ANTXR2: variants seen among roughly 807,000 people sequenced by gnomAD.
The protein encoded by ANTXR2 is anthrax toxin receptor 2.
In ANTXR2, 44 loss-of-function variants were observed where a neutral mutation model predicts 73.7. The observed-to-expected ratio is 0.60, with a 90% CI of 0.47 to 0.77. The LOEUF (loss-of-function observed/expected upper bound fraction) is 0.77. Among genes scored for constraint, ANTXR2 ranks in the 30% least tolerant of loss-of-function variants. The probability of loss-of-function intolerance (pLI) is 0.00; values close to 1 mark genes in which losing one functional copy is unlikely to be tolerated. For synonymous variants in ANTXR2, 217 were observed against 205.9 expected (o/e 1.05, Z -0.46); for missense variants, 604 against 592.5 (o/e 1.02, Z -0.20).
intron 7 of ANTXR2, among the ~76,000 whole-genome samples, chr4:80,037,036 A>C (rs1410463898): frequency 6.6e-6 from 1 of 152,136 alleles, no homozygotes; most frequent in East Asian, 1.9e-4. Flanking sequence ...TGAGAAACAG[A>C]AACCACCACA....
chr4:80,055,299 A>G, intron 5 of ANTXR2, 61 bp downstream of exon 5: 2 of 1,559,642 alleles, frequency 1.3e-6, no homozygotes, highest in African/African-American at 1.4e-5. Context: ...CAAGCTATAC[A>G]TTCCGAGACA....
chr4:80,009,557 C>G (rs1731469268), intron 11 of ANTXR2, among the ~76,000 whole-genome samples: 1 of 152,068 alleles, frequency 6.6e-6, no homozygotes, highest in African/African-American at 2.4e-5. Context: ...CATTTAAAAA[C>G]TACTTACTGA....
chr4:79,984,318 T>C (rs1730012611), intron 13 of ANTXR2, among the ~76,000 whole-genome samples: 1 of 152,196 alleles, frequency 6.6e-6, no homozygotes, highest in South Asian at 2.1e-4. Flanking sequence ...TAACAGTCAT[T>C]AAAGCATCAA....
chr4:80,057,234 A>G (rs1734042268), intron 3 of ANTXR2, among the ~76,000 whole-genome samples: 1 of 152,106 alleles, frequency 6.6e-6, no homozygotes, highest in Admixed American at 6.6e-5. Context: ...AAGAAGTATC[A>G]TCTTAACATC....
chr4:79,966,768 T>G (rs1291493223), intron 16 of ANTXR2, among the ~76,000 whole-genome samples: 1 of 152,232 alleles, frequency 6.6e-6, no homozygotes, highest in African/African-American at 2.4e-5. Context: ...TATGTTTACA[T>G]TATTTTAGAG....
intron 10 of ANTXR2, among the ~76,000 whole-genome samples, chr4:80,025,143 TA>T (rs1732367869): frequency 6.6e-6 from 1 of 152,228 alleles, no homozygotes; most frequent in Non-Finnish European, 1.5e-5. Flanking sequence ...CAATTAATAG[TA>T]ATAAAATTAA....
chr4:80,043,939 T>G (rs1007267161), intron 7 of ANTXR2, among the ~76,000 whole-genome samples: 1 of 151,914 alleles, frequency 6.6e-6, no homozygotes, highest in Non-Finnish European at 1.5e-5. Context: ...TCAGGTTGCA[T>G]GGATTCACCA....
At chr4:79,920,112 C>T (rs1310173507) in intron 16 of ANTXR2, among the ~76,000 whole-genome samples, 2 of 151,572 alleles carry the variant, frequency 1.3e-5, no homozygotes, top group Non-Finnish European at 2.9e-5. Flanking sequence ...GCTCTGCCTG[C>T]TGGAAAGGCC....
Position 79,906,197 on chromosome 4 carries a change from G to A in ANTXR2, c.*1232C>T, listed in dbSNP as rs1228260103. 1 of 152,468 alleles carries A rather than the reference G, an allele frequency of 6.6e-6. No individual in the cohort carries two copies. Among genetic ancestry groups the A allele is most frequent in the Non-Finnish European group, 1.5e-5 (1 of 68,020 alleles). The allele number at this position is 152,468 out of a possible 1,614,324, so 9.4% of individuals were successfully genotyped here. ...TCTAAAAAATTATAATACATACATC[G>A]TCAATGTTTTGTGATAGCGACCCTC... is the stretch of plus-strand genomic sequence containing the variant. On this transcript the variant is annotated 3_prime_UTR_variant, in exon 17 of 17. Transcript: ENST00000403729.
chr4:79,932,684 C>A (rs565966913), intron 16 of ANTXR2, among the ~76,000 whole-genome samples: 3 of 148,154 alleles, frequency 2.0e-5, no homozygotes, highest in African/African-American at 5.0e-5. Context: ...CCCAGCTACT[C>A]GGAAGGCTGA....
chr4:79,981,431 G>A (rs933296008), intron 14 of ANTXR2, among the ~76,000 whole-genome samples: 4 of 152,068 alleles, frequency 2.6e-5, no homozygotes, highest in South Asian at 2.1e-4. Flanking sequence ...TGTATATTAC[G>A]TTTGTGTATT....
chr4:80,055,682 G>A (rs1399762855), intron 4 of ANTXR2, among the ~76,000 whole-genome samples: 1 of 151,884 alleles, frequency 6.6e-6, no homozygotes, highest in Non-Finnish European at 1.5e-5. Context: ...ATTTTTAGCT[G>A]TGGCTGCTTA....
intron 16 of ANTXR2, among the ~76,000 whole-genome samples, chr4:79,927,982 C>G (rs1235103640): frequency 6.6e-6 from 1 of 152,138 alleles, no homozygotes; most frequent in Non-Finnish European, 1.5e-5. Context: ...CATAGAATTA[C>G]TACATGATCC....
At chr4:79,945,014 T>C (rs1728466404) in intron 16 of ANTXR2, among the ~76,000 whole-genome samples, 1 of 152,160 alleles carries the variant, frequency 6.6e-6, no homozygotes, top group Non-Finnish European at 1.5e-5. Flanking sequence ...ACCCGAATTA[T>C]TTAACTCATG....
chr4:79,930,396 T>A (rs528933865), intron 16 of ANTXR2, among the ~76,000 whole-genome samples: 8 of 152,162 alleles, frequency 5.3e-5, no homozygotes, highest in African/African-American at 1.9e-4. Context: ...ATTAACTACA[T>A]TAAGTTCTAA....
chr4:80,050,176 C>G (rs7681132), intron 7 of ANTXR2, among the ~76,000 whole-genome samples: 94,572 of 151,534 alleles, frequency 0.62, 30,309 homozygotes, highest in East Asian at 0.95. Context: ...TCTGAATGTG[C>G]GGTCCAGAAA....
Position 79,906,150 on chromosome 4 carries a change from G to A in ANTXR2, c.*1279C>T, listed in dbSNP as rs1021603905. ...CACGCTAACATAATTTGGCATCGTC[G>A]ACGTGACACGATGGTGGTTTTTCTA... On this transcript the variant is annotated 3_prime_UTR_variant, in exon 17 of 17. Coordinates refer to ENST00000403729, the MANE Select transcript of ANTXR2 (RefSeq NM_058172.6). The A allele has an allele frequency of 1.3e-5, 2 of 152,538 alleles. No homozygotes were observed. Among genetic ancestry groups the A allele is most frequent in the African/African-American group, 2.4e-5 (1 of 41,414 alleles). 9.4% of individuals were successfully genotyped at this position (152,538 alleles called of 1,614,324 possible).
At chr4:80,061,194 A>G (rs532580132) in intron 3 of ANTXR2, among the ~76,000 whole-genome samples, 3 of 152,070 alleles carry the variant, frequency 2.0e-5, no homozygotes, top group Non-Finnish European at 2.9e-5. Flanking sequence ...TGGCAGTTTC[A>G]TGTTCATGTC....
rs10689799 is a variant in ANTXR2, at chr4:79,933,735, G to GTTTT, written c.1429-26272_1429-26269dup. On this transcript the variant is annotated intron_variant, in intron 16 of 16. Transcript: ENST00000403729. Reference sequence around the variant, plus strand: ...CCCCACAACAGGCCCTGGTGTGTTTGTTTTTTTTTTTTTTTTTGAGACAGA... The same window carrying GTTTT: ...CCCCACAACAGGCCCTGGTGTGTTTGTTTTTTTTTTTTTTTTTTTTTGAGACAGA... Among the ~76,000 whole-genome samples the GTTTT allele has an allele frequency of 7.0e-3, 484 of 68,938 alleles. 12 individuals carry two copies. The highest frequency in any genetic ancestry group is 0.037 in the Admixed American group (176 of 4,704). 45.2% of individuals were successfully genotyped at this position (68,938 alleles called of 152,430 possible). A position where few individuals can be genotyped will look rare whatever the true frequency, so the allele number is the denominator to read the frequency against.
Sources: gnomAD v4.1 joint callset for allele counts (sites outside exome capture counted in the v4.1 genomes callset) on GRCh38, gnomAD v4.1.1 for gene constraint, MANE v1.5 for transcripts, NCBI Gene and HGNC (gene_info 2026-07-23, HGNC 2026-07-21) for gene names.